SIPA1L1: variants seen among roughly 807,000 people sequenced by gnomAD.
The protein encoded by SIPA1L1 is signal induced proliferation associated 1 like 1.
In SIPA1L1, 26 loss-of-function variants were observed where a neutral mutation model predicts 162.7. The ratio of observed to expected loss-of-function variants is 0.16; its 90% confidence interval spans 0.12 to 0.22. SIPA1L1 has a LOEUF of 0.22. SIPA1L1 is among the 10% of genes least tolerant of loss of function. SIPA1L1 has a pLI of 1.00. For missense variants in SIPA1L1, 1,874 were observed against 2,241.0 expected (o/e 0.84, Z 3.31); for synonymous variants, 829 against 837.4 (o/e 0.99, Z 0.17).
intron 17 of SIPA1L1, among the ~76,000 whole-genome samples, chr14:71,722,465 G>A (rs2083832472): frequency 6.6e-6 from 1 of 152,218 alleles, no homozygotes; most frequent in Non-Finnish European, 1.5e-5. Context: ...TAAACCTCAA[G>A]TAAAAATAAC....
At chr14:71,651,454 T>G (rs2042609557) in intron 8 of SIPA1L1, among the ~76,000 whole-genome samples, 1 of 152,208 alleles carries the variant, frequency 6.6e-6, no homozygotes, top group Non-Finnish European at 1.5e-5. Context: ...GTTGCCAACT[T>G]GGAAACGACA....
chr14:71,506,686 T>C (rs964444571), intron 2 of SIPA1L1, among the ~76,000 whole-genome samples: 3 of 152,080 alleles, frequency 2.0e-5, no homozygotes, highest in African/African-American at 7.2e-5. Context: ...TGTACAATGA[T>C]GGTACTTCAT....
At chr14:71,473,104 A>G (rs1477146252) in intron 2 of SIPA1L1, among the ~76,000 whole-genome samples, 2 of 152,108 alleles carry the variant, frequency 1.3e-5, no homozygotes, top group African/African-American at 2.4e-5. Flanking sequence ...GAGGCTTTTT[A>G]AATTTGGTTG....
At chr14:71,362,718 C>G (rs1224416513) in intron 2 of SIPA1L1, among the ~76,000 whole-genome samples, 11 of 152,060 alleles carry the variant, frequency 7.2e-5, no homozygotes, top group Non-Finnish European at 2.9e-5. Context: ...GGTGAAATTT[C>G]CAATTAAAAT....
chr14:71,341,207 T>G (rs950874609), intron 2 of SIPA1L1, among the ~76,000 whole-genome samples: 1 of 152,226 alleles, frequency 6.6e-6, no homozygotes, highest in Non-Finnish European at 1.5e-5. Context: ...TATAGTTAGG[T>G]GAAATAAATG....
chr14:71,446,874 A>G (rs1454800446), intron 2 of SIPA1L1, among the ~76,000 whole-genome samples: 1 of 147,102 alleles, frequency 6.8e-6, no homozygotes, highest in African/African-American at 2.6e-5. Context: ...AGATCCTGCA[A>G]ATAAAGAGAG....
At chr14:71,719,910 T>G (rs1301903705) in intron 17 of SIPA1L1, among the ~76,000 whole-genome samples, 2 of 152,242 alleles carry the variant, frequency 1.3e-5, no homozygotes, top group East Asian at 3.8e-4. Context: ...ATTAGTGTAG[T>G]ACATTTATTA....
At chr14:71,542,692 C>T (rs2054568223) in intron 4 of SIPA1L1, among the ~76,000 whole-genome samples, 1 of 119,800 alleles carries the variant, frequency 8.3e-6, no homozygotes. Context: ...CTTCCTTCTC[C>T]CTTCTCCTCC....
intron 2 of SIPA1L1, among the ~76,000 whole-genome samples, chr14:71,458,390 A>G (rs962663611): frequency 6.6e-6 from 1 of 152,210 alleles, no homozygotes; most frequent in African/African-American, 2.4e-5. Context: ...ACATTAGGTC[A>G]TATTCGTATG....
chr14:71,673,711 TTGTC>T (rs1222004905), intron 12 of SIPA1L1, among the ~76,000 whole-genome samples: 3 of 152,194 alleles, frequency 2.0e-5, no homozygotes, highest in Non-Finnish European at 2.9e-5. Context: ...AAAAATTCCT[TTGTC>T]TGATAGTTTG....
chr14:71,698,972 CA>C lies in SIPA1L1; in HGVS notation c.3375-8del. Reference sequence around the variant, plus strand: ...TTGTTGACTTCATGTTTTTGTATTGCACATGCAGGCTGTCTCCTGGTTCGGA... The same window carrying C: ...TTGTTGACTTCATGTTTTTGTATTGCCATGCAGGCTGTCTCCTGGTTCGGA... On this transcript the variant is annotated splice_polypyrimidine_tract_variant and splice_region_variant and intron_variant, in intron 13 of 23. Coordinates refer to ENST00000381232, the MANE Select transcript of SIPA1L1 (RefSeq NM_001386936.1). The C allele has an allele frequency of 6.2e-7, 1 of 1,614,004 alleles. No homozygotes were observed. Among genetic ancestry groups the C allele is most frequent in the Non-Finnish European group, 8.5e-7 (1 of 1,179,896 alleles).
intron 3 of SIPA1L1, among the ~76,000 whole-genome samples, chr14:71,514,933 G>A (rs1049714164): frequency 2.6e-5 from 4 of 152,200 alleles, no homozygotes; most frequent in Non-Finnish European, 5.9e-5. Context: ...ATGAATGTTT[G>A]TGCTTCGAGT....
At chr14:71,545,308 T>C (rs554493236) in intron 4 of SIPA1L1, among the ~76,000 whole-genome samples, 3 of 152,358 alleles carry the variant, frequency 2.0e-5, no homozygotes, top group South Asian at 4.1e-4. Flanking sequence ...CTGTGGAGAA[T>C]AGACATTTTA....
chr14:71,326,401 G>A (rs2033809332), intron 2 of SIPA1L1, among the ~76,000 whole-genome samples: 1 of 151,906 alleles, frequency 6.6e-6, no homozygotes, highest in Admixed American at 6.6e-5. Context: ...TAGAGGCAGG[G>A]TTTCGCCATG....
chr14:71,642,360 C>G (rs1269641066), intron 7 of SIPA1L1, among the ~76,000 whole-genome samples: 2 of 152,122 alleles, frequency 1.3e-5, no homozygotes, highest in Non-Finnish European at 2.9e-5. Flanking sequence ...CACAGAGAAT[C>G]AGGGAGGAGA....
At chr14:71,359,899 T>A (rs1300847029) in intron 2 of SIPA1L1, among the ~76,000 whole-genome samples, 6 of 152,224 alleles carry the variant, frequency 3.9e-5, no homozygotes, top group Admixed American at 3.9e-4. Context: ...GATTCTCAGA[T>A]ACAGACTTGG....
chr14:71,582,416 C>T (rs965304796), intron 4 of SIPA1L1, among the ~76,000 whole-genome samples: 1 of 152,124 alleles, frequency 6.6e-6, no homozygotes, highest in Non-Finnish European at 1.5e-5. Flanking sequence ...CTCAAGCTTT[C>T]TGCCAAACTT....
chr14:71,725,091 C>T, intron 19 of SIPA1L1, among the ~76,000 whole-genome samples: 1 of 152,216 alleles, frequency 6.6e-6, no homozygotes, highest in African/African-American at 2.4e-5. Flanking sequence ...TCTGCTGTGT[C>T]CTGCTCAGAG....
At chr14:71,368,317 C>G (rs1156785820) in intron 2 of SIPA1L1, among the ~76,000 whole-genome samples, 16 of 134,820 alleles carry the variant, frequency 1.2e-4, no homozygotes, top group African/African-American at 3.6e-4. Context: ...CCGCTCCCCC[C>G]ACCCCACCAC....
Sources: gnomAD v4.1 joint callset for allele counts (sites outside exome capture counted in the v4.1 genomes callset) on GRCh38, gnomAD v4.1.1 for gene constraint, MANE v1.5 for transcripts, NCBI Gene and HGNC (gene_info 2026-07-23, HGNC 2026-07-21) for gene names.